The following OSBPL9 variants were observed in gnomAD, a reference collection of about 807,000 sequenced individuals.
OSBPL9 encodes oxysterol binding protein like 9, also known as oxysterol-binding protein-related protein 9.
Under a neutral mutation model 106.6 loss-of-function variants are expected in OSBPL9, and 40 were observed. That is an observed-to-expected ratio of 0.38 (90% CI 0.29 to 0.49). The LOEUF (loss-of-function observed/expected upper bound fraction) is 0.49, where lower values mean the gene tolerates loss of function less well. Ranked by LOEUF, OSBPL9 falls within the 20% of genes least tolerant of loss-of-function variation. OSBPL9 has a pLI of 0.97. For synonymous variants in OSBPL9, 269 were observed against 295.4 expected, an observed-to-expected ratio of 0.91 and a Z score of 0.92; for missense variants, 609 against 887.2, an observed-to-expected ratio of 0.69 and a Z score of 3.98.
chr1:51,554,146 T>C, the OSBPL9 span, among the ~76,000 whole-genome samples: 17 of 152,364 alleles, frequency 1.1e-4, no homozygotes, highest in Non-Finnish European at 2.1e-4. Context: ...AGGAAGACTC[T>C]GTCTCTTACA....
At chr1:51,693,359 C>CT (rs1245596095) in intron 3 of OSBPL9, among the ~76,000 whole-genome samples, 2 of 146,472 alleles carry the variant, frequency 1.4e-5, no homozygotes, top group African/African-American at 5.1e-5. Context: ...GCAACAGAAT[C>CT]TTTTTTAAGA....
At chr1:51,619,734 C>T (rs1644313032) in intron 1 of OSBPL9, among the ~76,000 whole-genome samples, 1 of 152,094 alleles carries the variant, frequency 6.6e-6, no homozygotes, top group African/African-American at 2.4e-5. Context: ...AGGTAGGAGA[C>T]ACATTGGATA....
chr1:51,596,110 T>C (rs1375379433), intron 1 of OSBPL9, among the ~76,000 whole-genome samples: 1 of 150,710 alleles, frequency 6.6e-6, no homozygotes, highest in Non-Finnish European at 1.5e-5. Context: ...ATACAAAAAT[T>C]AGCCGGGCAT....
chr1:51,537,733 G>A, the OSBPL9 span, among the ~76,000 whole-genome samples: 1 of 151,924 alleles, frequency 6.6e-6, no homozygotes, highest in Non-Finnish European at 1.5e-5. Context: ...TAGAGATGGG[G>A]TCTCACTATG....
chr1:51,609,156 T>A (rs1221640710), intron 2 of OSBPL9, among the ~76,000 whole-genome samples: 1 of 152,162 alleles, frequency 6.6e-6, no homozygotes, highest in Non-Finnish European at 1.5e-5. Context: ...CCGTAGGCCT[T>A]AGCTTTCTCA....
chr1:51,614,300 TACAG>T (rs1644009349), upstream of OSBPL9: 1 of 152,060 alleles, frequency 6.6e-6, no homozygotes, highest in Non-Finnish European at 1.5e-5. Context: ...AAATTTCTTT[TACAG>T]ACAGTGTCTC....
intron 2 of OSBPL9, among the ~76,000 whole-genome samples, chr1:51,602,419 A>ATTTTTTT (rs1357173060): frequency 4.8e-5 from 5 of 104,656 alleles, no homozygotes; most frequent in Admixed American, 1.0e-4. Flanking sequence ...TTTTTTTTTA[A>ATTTTTTT]TTTTTTTTTT....
chr1:51,597,087 A>G (rs1015539230), intron 1 of OSBPL9, among the ~76,000 whole-genome samples: 6 of 152,164 alleles, frequency 3.9e-5, no homozygotes, highest in Non-Finnish European at 7.4e-5. Flanking sequence ...AACAAGTGCA[A>G]AGGCTCTGAG....
At chr1:51,524,591 A>G in the OSBPL9 span, among the ~76,000 whole-genome samples, 1 of 152,244 alleles carries the variant, frequency 6.6e-6, no homozygotes, top group Non-Finnish European at 1.5e-5. Flanking sequence ...TAACCAGAAC[A>G]CAAAAATAGA....
At chr1:51,758,665 T>C (rs142286798) in intron 9 of OSBPL9, among the ~76,000 whole-genome samples, 101 of 152,290 alleles carry the variant, frequency 6.6e-4, no homozygotes, top group African/African-American at 2.3e-3. Context: ...AAATAAAAGA[T>C]TACATCCAAA....
chr1:51,714,908 C>T (rs1033452468), intron 4 of OSBPL9, among the ~76,000 whole-genome samples: 4 of 152,170 alleles, frequency 2.6e-5, no homozygotes, highest in Non-Finnish European at 4.4e-5. Context: ...TCATCCTACC[C>T]AACCCGACCC....
chr1:51,615,942 T>C (rs938596910), upstream of OSBPL9, among the ~76,000 whole-genome samples: 13 of 152,040 alleles, frequency 8.6e-5, no homozygotes, highest in African/African-American at 3.1e-4. Context: ...GCTTATTCAC[T>C]GCTGTATTCC....
the OSBPL9 span, among the ~76,000 whole-genome samples, chr1:51,568,393 T>C: frequency 6.6e-6 from 1 of 152,168 alleles, no homozygotes; most frequent in Non-Finnish European, 1.5e-5. Flanking sequence ...GTAAGTAGCA[T>C]TGTTGGTATT....
chr1:51,690,338 A>T (rs950235114), intron 3 of OSBPL9, among the ~76,000 whole-genome samples: 3 of 152,230 alleles, frequency 2.0e-5, no homozygotes, highest in Admixed American at 2.0e-4. Context: ...TGAATCACTG[A>T]TACCTGGTTG....
At chr1:51,519,418 G>GCC in the OSBPL9 span, 7 of 203,466 alleles carry the variant, frequency 3.4e-5, no homozygotes, top group Non-Finnish European at 6.0e-5. Flanking sequence ...CCGCCCGCCG[G>GCC]AGCCGGCCGC....
the OSBPL9 span, among the ~76,000 whole-genome samples, chr1:51,547,209 G>A: frequency 6.6e-6 from 1 of 152,160 alleles, no homozygotes; most frequent in Non-Finnish European, 1.5e-5. Context: ...TATTTATTGT[G>A]TGCTATTTAT....
intron 2 of OSBPL9, among the ~76,000 whole-genome samples, chr1:51,662,971 C>T (rs937654519): frequency 1.3e-5 from 2 of 152,008 alleles, no homozygotes; most frequent in Non-Finnish European, 2.9e-5. Context: ...GTCTTGATCA[C>T]CTGACCTCAT....
At chr1:51,778,769 C>T (rs1032306314) in intron 15 of OSBPL9, among the ~76,000 whole-genome samples, 1 of 152,200 alleles carries the variant, frequency 6.6e-6, no homozygotes, top group African/African-American at 2.4e-5. Context: ...AAGATTTAAA[C>T]AGCATATCAA....
At chr1:51,749,549 G>C in intron 7 of OSBPL9, 1 of 408,570 alleles carries the variant, frequency 2.4e-6, no homozygotes, top group Non-Finnish European at 5.1e-6. Context: ...AGCCTCAAGC[G>C]ATCCTCCTTC....
Sources: gnomAD v4.1 joint callset for allele counts (sites outside exome capture counted in the v4.1 genomes callset) on GRCh38, gnomAD v4.1.1 for gene constraint, MANE v1.5 for transcripts, NCBI Gene and HGNC (gene_info 2026-07-23, HGNC 2026-07-21) for gene names.